ZC3HC1: variants seen among roughly 807,000 people sequenced by gnomAD.
ZC3HC1 encodes zinc finger C3HC-type containing 1.
A neutral mutation model predicts 61.9 loss-of-function variants in ZC3HC1; 38 were observed. The ratio of observed to expected loss-of-function variants is 0.61; its 90% CI spans 0.47 to 0.81. The LOEUF is 0.81. ZC3HC1 is among the 30% of genes least tolerant of loss of function. ZC3HC1 has a pLI of 0.00. For synonymous variants in ZC3HC1, 213 were observed against 229.9 expected (o/e 0.93, Z 0.67); for missense variants, 554 against 622.7 (o/e 0.89, Z 1.17).
chr7:130,018,748 C>A lies in ZC3HC1; in HGVS notation c.1441-16G>T. ...CAGAGAGACTCTGTAGGTAGAAAAG[C>A]TTATTATTAGTGATTACGTTCTTTT... On this transcript the variant is annotated splice_polypyrimidine_tract_variant and intron_variant, in intron 9 of 9. Coordinates refer to ENST00000358303, the MANE Select transcript of ZC3HC1 (RefSeq NM_016478.5). 1 of 1,604,552 alleles carries A rather than the reference C, an allele frequency of 6.2e-7. No homozygotes were observed. Among genetic ancestry groups the A allele is most frequent in the South Asian group, 1.1e-5 (1 of 90,608 alleles).
intron 4 of ZC3HC1, among the ~76,000 whole-genome samples, chr7:130,031,257 C>CG (rs1288080895): frequency 5.0e-5 from 7 of 140,510 alleles, no homozygotes; most frequent in African/African-American, 1.8e-4. Context: ...ACCCGGGAGG[C>CG]GGAGGTTTGG....
intron 2 of ZC3HC1, among the ~76,000 whole-genome samples, chr7:130,045,890 C>CAAAA (rs59500095): frequency 2.1e-4 from 8 of 38,570 alleles, no homozygotes; most frequent in African/African-American, 2.7e-4. Flanking sequence ...GACTCCATCT[C>CAAAA]AAAAAAAAAA....
rs1415300529 is a variant in ZC3HC1, at chr7:130,022,361, C to A, written c.1398G>T (p.Leu466Phe). 1 of 1,614,090 alleles carries A rather than the reference C, an allele frequency of 6.2e-7. No homozygotes were observed. Among genetic ancestry groups the A allele is most frequent in the South Asian group, 1.1e-5 (1 of 91,064 alleles). Residue 466 changes from leucine to phenylalanine, a missense_variant, in exon 9 of 10, where the codon TTG becomes TTT. Transcript: ENST00000358303. ...CTGGCTGGCTAGACTGTTTGTGCGC[C>A]AAGAGGATGGTCAGCACTGCTTTCC... ...PGWKAVLTIL[L>F]AHKQSSQPAE...
At chr7:130,047,779 G>T (rs2116779009) in intron 2 of ZC3HC1, among the ~76,000 whole-genome samples, 2 of 152,266 alleles carry the variant, frequency 1.3e-5, no homozygotes, top group South Asian at 4.1e-4. Flanking sequence ...TGGCTCCAAT[G>T]ATCCCTGCCT....
In ZC3HC1 at chr7:130,029,142, G is replaced by A. The variant is rs188440009; in HGVS notation, c.494-113C>T. ...TCCCAGCACTTTGGAAGGCCGAGGC[G>A]GGCGGATCACCTGAGGTCAGGAGTT... On this transcript the variant is annotated intron_variant, in intron 4 of 9. Coordinates refer to ENST00000358303, the MANE Select transcript of ZC3HC1 (RefSeq NM_016478.5). 4.6e-4 allele frequency: 566 copies of A among 1,218,870 alleles called. 1 individual carries two copies. The African/African-American group carries it at 6.3e-3, about 14-fold the overall frequency. The allele number at this position is 1,218,870 out of a possible 1,614,324, so 75.5% of individuals were successfully genotyped here.
chr7:130,028,056 A>C (rs1037748002), intron 5 of ZC3HC1, among the ~76,000 whole-genome samples: 3 of 149,596 alleles, frequency 2.0e-5, no homozygotes, highest in Non-Finnish European at 4.4e-5. Flanking sequence ...AATCCCAGCT[A>C]CTTGGGAGGC....
intron 8 of ZC3HC1, 70 bp from the exon 9 acceptor site, chr7:130,022,595 A>C: frequency 6.6e-7 from 1 of 1,516,800 alleles, no homozygotes; most frequent in Non-Finnish European, 9.0e-7. Context: ...CACTGCTGTT[A>C]GTTATCAAGT....
chr7:130,049,581 G>GT (rs1794993577), intron 1 of ZC3HC1, among the ~76,000 whole-genome samples: 1 of 149,340 alleles, frequency 6.7e-6, no homozygotes, highest in African/African-American at 2.5e-5. Context: ...GTCTCGCTCT[G>GT]TTGCCCAGGC....
At chr7:130,051,375 G>A (rs748643763), upstream of ZC3HC1, 3 of 1,611,786 alleles carry the variant, frequency 1.9e-6, no homozygotes, top group South Asian at 1.1e-5. Context: ...ATCTTGGTCC[G>A]CTGCCGAGTT....
intron 1 of ZC3HC1, among the ~76,000 whole-genome samples, chr7:130,049,803 G>T (rs1286386861): frequency 6.6e-6 from 1 of 151,958 alleles, no homozygotes; most frequent in Non-Finnish European, 1.5e-5. Flanking sequence ...GCCCACCTCA[G>T]CCTCCCAAAG....
At position 130,026,102 on chromosome 7, in the gene ZC3HC1, A is replaced by G. The variant is rs536914858; in HGVS notation, c.776+56T>C. 58 of 1,547,714 alleles carry G rather than the reference A, an allele frequency of 3.7e-5. No individual in the cohort carries two copies. The African/African-American group carries it at 7.1e-4, about 19-fold the overall frequency. On this transcript the variant is annotated intron_variant, in intron 6 of 9. Coordinates refer to ENST00000358303, the MANE Select transcript of ZC3HC1 (RefSeq NM_016478.5). The stretch of plus-strand genomic sequence containing the variant: ...TAAATACGATTAGTGACTGATATAT[A>G]TGGGTGTAATGCTGTTGTCATGGTT...
chr7:130,034,457 C>A (rs1014914653), intron 4 of ZC3HC1, among the ~76,000 whole-genome samples: 5 of 118,978 alleles, frequency 4.2e-5, no homozygotes, highest in African/African-American at 1.3e-4. Flanking sequence ...TGCACTCTAG[C>A]CTGGGCGACA....
intron 4 of ZC3HC1, among the ~76,000 whole-genome samples, chr7:130,029,597 A>G (rs1366272565): frequency 6.6e-6 from 1 of 152,160 alleles, no homozygotes; most frequent in East Asian, 1.9e-4. Flanking sequence ...ACTTCAAAAC[A>G]ATGCAGAGGG....
chr7:130,045,414 T>C (rs777839306), intron 2 of ZC3HC1: 49 of 451,276 alleles, frequency 1.1e-4, no homozygotes, highest in Non-Finnish European at 1.8e-4. Flanking sequence ...TCTCTGCTCC[T>C]TTCACAGAGC....
intron 1 of ZC3HC1, chr7:130,050,478 C>G (rs781721880): frequency 1.3e-6 from 2 of 1,518,188 alleles, no homozygotes; most frequent in African/African-American, 1.4e-5. Context: ...GAGCCTCAAG[C>G]GGGTGTGGTT....
At position 130,023,454 on chromosome 7, in the gene ZC3HC1, G is replaced by A. The variant is rs1386497634; in HGVS notation, c.1233+57C>T. On this transcript the variant is annotated intron_variant, in intron 8 of 9. Coordinates refer to ENST00000358303, the MANE Select transcript of ZC3HC1 (RefSeq NM_016478.5). The surrounding 1 kb of genome is among the most constrained non-coding windows in gnomAD (Gnocchi z 4.2). The stretch of plus-strand genomic sequence containing the variant: ...CCTGCCTGCTTCTCCATGCTGCCTA[G>A]GGAGGGCCCAATATGCTGTTTATGC... 3.9e-6 allele frequency: 6 copies of A among 1,553,900 alleles called. No individual in the cohort carries two copies. The highest frequency in any genetic ancestry group is 1.4e-5 in the African/African-American group (1 of 73,832).
intron 2 of ZC3HC1, among the ~76,000 whole-genome samples, chr7:130,048,097 A>AACAGTAT: frequency 6.6e-6 from 1 of 151,546 alleles, no homozygotes; most frequent in Admixed American, 6.6e-5. Flanking sequence ...GAATCCTGCC[A>AACAGTAT]ACAGTATGCC....
intron 9 of ZC3HC1, among the ~76,000 whole-genome samples, chr7:130,019,328 C>T (rs541800411): frequency 5.2e-4 from 79 of 152,238 alleles, no homozygotes; most frequent in African/African-American, 1.8e-3. Flanking sequence ...GGATTACAGG[C>T]GTGAGCCACC....
At chr7:130,024,617 T>G (rs1296679436) in intron 6 of ZC3HC1, 111 bp from the exon 7 acceptor site, 1 of 1,240,684 alleles carries the variant, frequency 8.1e-7, no homozygotes, top group Non-Finnish European at 1.1e-6. Context: ...ACAGTCACCA[T>G]GTCCTATCAG....
Sources: gnomAD v4.1 joint callset for allele counts (sites outside exome capture counted in the v4.1 genomes callset) on GRCh38, gnomAD v4.1.1 for gene constraint, Gnocchi (gnomAD v3.1) non-coding constraint, MANE v1.5 for transcripts, NCBI Gene and HGNC (gene_info 2026-07-23, HGNC 2026-07-21) for gene names.